Variants in PLCB3 observed in about 807,000 individuals in gnomAD.
The protein encoded by PLCB3 is phospholipase C beta 3.
Under a neutral mutation model 152.1 loss-of-function variants are expected in PLCB3, and 54 were observed. That is an observed-to-expected ratio of 0.36 (90% CI 0.29 to 0.45). PLCB3 has a LOEUF of 0.45. Among genes scored for constraint, PLCB3 ranks in the 20% least tolerant of loss-of-function variants. The pLI, the probability that PLCB3 is intolerant of heterozygous loss-of-function variation, is 1.00. For missense variants in PLCB3, 1,248 were observed against 1,687.5 expected (o/e 0.74, Z 4.56); for synonymous variants, 717 against 698.7 (o/e 1.03, Z -0.41).
At chr11:64,261,819 G>T in intron 16 of PLCB3, 133 bp from the exon 17 acceptor site, 1 of 1,465,558 alleles carries the variant, frequency 6.8e-7, no homozygotes, top group Non-Finnish European at 9.5e-7. Flanking sequence ...GATCCAGGCA[G>T]TCTCAGGGGG....
Position 64,263,259 on chromosome 11 carries a change from T to C in PLCB3, c.2356-239T>C, listed in dbSNP as rs896328254. ...TGACCAGAACTGTCTGTGGGGGCCC[T>C]GGAGGGGCCTGGCTGCCTGTCATCT... On this transcript the variant is annotated intron_variant, in intron 19 of 30. Transcript: ENST00000279230. 1.1e-5 allele frequency: 6 copies of C among 562,260 alleles called. No homozygotes were observed. In the African/African-American group the frequency reaches 1.1e-4, roughly 11 times the overall value. 34.8% of individuals were successfully genotyped at this position (562,260 alleles called of 1,614,324 possible).
chr11:64,252,028 C>CA (rs1366736315), intron 1 of PLCB3, among the ~76,000 whole-genome samples: 2 of 151,964 alleles, frequency 1.3e-5, no homozygotes, highest in African/African-American at 4.8e-5. Flanking sequence ...TCGTTCTTCC[C>CA]ACCGCTCCCT....
At chr11:64,257,420 T>C (rs957523611) in intron 10 of PLCB3, among the ~76,000 whole-genome samples, 3 of 151,976 alleles carry the variant, frequency 2.0e-5, no homozygotes, top group Non-Finnish European at 4.4e-5. Context: ...TTGAGACCAG[T>C]CTGGGCAACA....
chr11:64,260,436 C>T (rs1243131622), intron 14 of PLCB3, among the ~76,000 whole-genome samples: 1 of 151,758 alleles, frequency 6.6e-6, no homozygotes, highest in Non-Finnish European at 1.5e-5. Context: ...CTGGGAGGTG[C>T]GAGTTAGGGT....
intron 1 of PLCB3, among the ~76,000 whole-genome samples, chr11:64,253,302 G>C (rs758783183): frequency 6.6e-6 from 1 of 152,188 alleles, no homozygotes; most frequent in African/African-American, 2.4e-5. Context: ...CAGTGATCTC[G>C]GGCAGGCTAC....
At chr11:64,254,673 G>T in intron 2 of PLCB3, 75 bp from the exon 3 acceptor site, 1 of 1,524,172 alleles carries the variant, frequency 6.6e-7, no homozygotes, top group South Asian at 1.1e-5. Flanking sequence ...TCCCTGGCCT[G>T]GGTAGAGAGC....
intron 14 of PLCB3, among the ~76,000 whole-genome samples, chr11:64,260,728 G>A: frequency 8.0e-6 from 1 of 125,092 alleles, no homozygotes; most frequent in African/African-American, 3.2e-5. Flanking sequence ...AGCTGAGATT[G>A]CACCATTGCA....
At position 64,265,088 on chromosome 11, in the gene PLCB3, C is replaced by T. The variant is rs767599466; in HGVS notation, c.2790C>T (p.Thr930=). 7.7e-6 allele frequency: 12 copies of T among 1,550,186 alleles called. No homozygotes were observed. Among genetic ancestry groups the T allele is most frequent in the Non-Finnish European group, 1.0e-5 (12 of 1,146,476 alleles). ...GCCCCACCACCTCCCCTGCCAGCAC[C>T]TCCCTCAGCAGCCCAGGTAAGGAGT... is the stretch of plus-strand genomic sequence containing the variant. ...PPGPTTSPAS[T]SLSSPGQRDD... is the part of the protein sequence containing the mutation. The change falls in exon 23 of 31, where the codon ACC becomes ACT. Residue 930 remains threonine, a synonymous_variant. Coordinates refer to ENST00000279230, the MANE Select transcript of PLCB3 (RefSeq NM_000932.5).
chr11:64,259,485 C>G (rs891410511), intron 13 of PLCB3, among the ~76,000 whole-genome samples: 5 of 152,156 alleles, frequency 3.3e-5, no homozygotes, highest in Non-Finnish European at 7.3e-5. Context: ...CAGCCTCTCA[C>G]CTCTCAGAGC....
chr11:64,256,265 G>A, intron 8 of PLCB3, 111 bp from the exon 9 acceptor site: 1 of 924,144 alleles, frequency 1.1e-6, no homozygotes, highest in Non-Finnish European at 1.6e-6. Context: ...CACTCACTGG[G>A]TGCCAGATCC....
chr11:64,265,601 C>A (rs1354065284), intron 25 of PLCB3, 99 bp downstream of exon 25: 2 of 1,467,228 alleles, frequency 1.4e-6, no homozygotes, highest in African/African-American at 2.8e-5. Flanking sequence ...TGCTCCTTGA[C>A]CCCCAGGGAG....
chr11:64,260,361 G>GTGGGA (rs1338040991), intron 14 of PLCB3, 127 bp downstream of exon 14: 1 of 675,968 alleles, frequency 1.5e-6, no homozygotes, highest in East Asian at 2.8e-5. Flanking sequence ...GTGAGTGAAG[G>GTGGGA]TGGGAGGAGG....
At chr11:64,268,169 TTC>T (rs2032229385), downstream of PLCB3, among the ~76,000 whole-genome samples, 1 of 152,176 alleles carries the variant, frequency 6.6e-6, no homozygotes, top group South Asian at 2.1e-4. Flanking sequence ...GCTCTCCCTG[TTC>T]TCTCTTTTCT....
chr11:64,257,005 T>TG, intron 10 of PLCB3, among the ~76,000 whole-genome samples: 1 of 127,052 alleles, frequency 7.9e-6, no homozygotes, highest in Admixed American at 8.1e-5. Context: ...TCCTTTTTTT[T>TG]TTTTTTTTTT....
intron 16 of PLCB3, 67 bp downstream of exon 16, chr11:64,261,732 C>T: frequency 6.7e-7 from 1 of 1,490,586 alleles, no homozygotes; most frequent in Non-Finnish European, 9.4e-7. Context: ...CTCCGGTGTT[C>T]TGTCCCCACA....
At chr11:64,257,162 G>T (rs1023398608) in intron 10 of PLCB3, among the ~76,000 whole-genome samples, 2 of 152,062 alleles carry the variant, frequency 1.3e-5, no homozygotes, top group Non-Finnish European at 2.9e-5. Context: ...TCGCCACCAC[G>T]CCCGGCTAAT....
chr11:64,259,771 C>T (rs550621803), intron 13 of PLCB3, among the ~76,000 whole-genome samples: 110 of 152,252 alleles, frequency 7.2e-4, no homozygotes, highest in African/African-American at 2.5e-3. Flanking sequence ...GACTTCTCAC[C>T]CCACTGAACC....
At chr11:64,261,779 C>T in intron 16 of PLCB3, 114 bp downstream of exon 16, 1 of 1,395,604 alleles carries the variant, frequency 7.2e-7, no homozygotes, top group Non-Finnish European at 1.0e-6. Context: ...CTCCGGCGGC[C>T]CTCCTGCACC....
chr11:64,268,413 G>A (rs2032246020), downstream of PLCB3: 1 of 152,344 alleles, frequency 6.6e-6, no homozygotes, highest in Non-Finnish European at 1.5e-5. Flanking sequence ...TGACTCTGGG[G>A]GAAGGGAAGT....
Sources: gnomAD v4.1 joint callset for allele counts (sites outside exome capture counted in the v4.1 genomes callset) on GRCh38, gnomAD v4.1.1 for gene constraint, MANE v1.5 for transcripts, NCBI Gene and HGNC (gene_info 2026-07-23, HGNC 2026-07-21) for gene names.